Variants in AFF3 observed in about 807,000 individuals in gnomAD.
AFF3 encodes AF4/FMR2 family member 3.
Under a neutral mutation model 129.7 loss-of-function variants are expected in AFF3, and 32 were observed. The observed-to-expected ratio is 0.25, with a 90% CI of 0.19 to 0.33. The LOEUF is 0.33. AFF3 is among the 10% of genes least tolerant of loss of function. The probability of loss-of-function intolerance (pLI) is 1.00; values close to 1 mark genes in which losing one functional copy is unlikely to be tolerated. For missense variants in AFF3, 1,373 were observed against 1,592.0 expected (o/e 0.86, Z 2.34); for synonymous variants, 644 against 635.4 (o/e 1.01, Z -0.20).
intron 13 of AFF3, among the ~76,000 whole-genome samples, chr2:99,616,816 C>T (rs1185960990): frequency 6.6e-6 from 1 of 152,142 alleles, no homozygotes; most frequent in African/African-American, 2.4e-5. Context: ...ACTCCAAGCT[C>T]CCCTTGCCCC....
intron 7 of AFF3, among the ~76,000 whole-genome samples, chr2:99,941,746 G>C (rs1675057348): frequency 6.6e-6 from 1 of 152,092 alleles, no homozygotes; most frequent in Non-Finnish European, 1.5e-5. Flanking sequence ...AGACACGATG[G>C]CTGGAGCCAC....
At chr2:100,024,014 C>T (rs889885338) in intron 4 of AFF3, among the ~76,000 whole-genome samples, 3 of 150,328 alleles carry the variant, frequency 2.0e-5, no homozygotes, top group African/African-American at 4.9e-5. Flanking sequence ...GGGCGGATCA[C>T]GAGGTCAGGA....
chr2:99,975,308 A>G (rs1441157158), intron 7 of AFF3, among the ~76,000 whole-genome samples: 3 of 152,238 alleles, frequency 2.0e-5, no homozygotes, highest in African/African-American at 7.2e-5. Flanking sequence ...TTGAATTATC[A>G]TACAAAGCAG....
chr2:100,095,262 A>T (rs1690191996), intron 4 of AFF3, among the ~76,000 whole-genome samples: 1 of 152,140 alleles, frequency 6.6e-6, no homozygotes. Context: ...TGCTTATCTT[A>T]CTACGGGCCT....
At chr2:99,657,580 G>A (rs898573041) in intron 12 of AFF3, among the ~76,000 whole-genome samples, 6 of 152,142 alleles carry the variant, frequency 3.9e-5, no homozygotes, top group African/African-American at 1.4e-4. Flanking sequence ...TGTTTGCCAC[G>A]ATCTCCAATC....
At chr2:99,961,775 T>C (rs752823679) in intron 7 of AFF3, among the ~76,000 whole-genome samples, 1 of 152,122 alleles carries the variant, frequency 6.6e-6, no homozygotes, top group South Asian at 2.1e-4. Flanking sequence ...GGACCTGGCA[T>C]TTCCCAACCC....
intron 7 of AFF3, among the ~76,000 whole-genome samples, chr2:99,896,931 G>A (rs971861944): frequency 6.6e-5 from 10 of 151,924 alleles, no homozygotes; most frequent in Non-Finnish European, 8.8e-5. Context: ...CACCGCGCCC[G>A]GCCCTGTGCA....
chr2:100,043,478 A>C (rs1016852074), intron 4 of AFF3, among the ~76,000 whole-genome samples: 1 of 152,240 alleles, frequency 6.6e-6, no homozygotes, highest in Non-Finnish European at 1.5e-5. Context: ...GAGGCCATGC[A>C]AAATGAATTC....
In AFF3 at chr2:99,565,700, C is replaced by T. The variant is rs1269434712; in HGVS notation, c.2983-77G>A. The T allele has an allele frequency of 4.7e-6, 7 of 1,496,036 alleles. No individual in the cohort carries two copies. In the Admixed American group the frequency reaches 1.3e-4, roughly 29 times the overall value. 92.7% of individuals were successfully genotyped at this position (1,496,036 alleles called of 1,614,324 possible). On this transcript the variant is annotated intron_variant, in intron 19 of 24. Transcript: ENST00000672756. The stretch of plus-strand genomic sequence containing the variant: ...TGGCATTGTCATGTAGTTTATACAC[C>T]TTATTTGAGAAACCCAACTCTGACT...
intron 11 of AFF3, among the ~76,000 whole-genome samples, chr2:99,674,079 A>G (rs1687405299): frequency 6.6e-6 from 1 of 152,246 alleles, no homozygotes; most frequent in South Asian, 2.1e-4. Flanking sequence ...GGTACTATTT[A>G]AGGCATTGCC....
At chr2:99,585,260 A>G (rs1172363980) in intron 16 of AFF3, among the ~76,000 whole-genome samples, 2 of 152,226 alleles carry the variant, frequency 1.3e-5, no homozygotes, top group Non-Finnish European at 2.9e-5. Flanking sequence ...TATCATGGAT[A>G]TCATGATTGC....
At chr2:99,760,340 T>C (rs903122933) in intron 8 of AFF3, among the ~76,000 whole-genome samples, 1 of 152,220 alleles carries the variant, frequency 6.6e-6, no homozygotes, top group African/African-American at 2.4e-5. Flanking sequence ...CTAAGTATGA[T>C]CTGTACTTTT....
intron 13 of AFF3, among the ~76,000 whole-genome samples, chr2:99,644,226 G>A (rs1468262701): frequency 6.6e-6 from 1 of 152,206 alleles, no homozygotes. Context: ...AAATGTAGCC[G>A]TTGCTGGAGT....
At chr2:99,596,867 T>TA (rs1324302804) in intron 14 of AFF3, among the ~76,000 whole-genome samples, 1 of 152,184 alleles carries the variant, frequency 6.6e-6, no homozygotes, top group Non-Finnish European at 1.5e-5. Context: ...AAGTACCCAC[T>TA]TTCAACACAT....
chr2:99,884,549 A>T (rs538108259), intron 7 of AFF3, among the ~76,000 whole-genome samples: 1 of 149,470 alleles, frequency 6.7e-6, no homozygotes, highest in Admixed American at 6.7e-5. Context: ...CAGGCACATA[A>T]CACCACACCT....
chr2:99,855,720 A>G (rs1690475662), intron 7 of AFF3, among the ~76,000 whole-genome samples: 1 of 152,194 alleles, frequency 6.6e-6, no homozygotes, highest in Non-Finnish European at 1.5e-5. Flanking sequence ...AAGAAGGTGG[A>G]GCGTAACTCC....
At chr2:99,965,166 T>C (rs914605548) in intron 7 of AFF3, among the ~76,000 whole-genome samples, 1 of 152,184 alleles carries the variant, frequency 6.6e-6, no homozygotes, top group African/African-American at 2.4e-5. Context: ...AAAATCACTA[T>C]GATCACTATG....
At chr2:99,886,235 C>T (rs931589306) in intron 7 of AFF3, among the ~76,000 whole-genome samples, 42 of 152,182 alleles carry the variant, frequency 2.8e-4, no homozygotes, top group African/African-American at 1.0e-3. Flanking sequence ...CTTGACCATG[C>T]TAGCGAGGTC....
At chr2:99,791,270 C>G (rs1685168313) in intron 8 of AFF3, among the ~76,000 whole-genome samples, 1 of 152,104 alleles carries the variant, frequency 6.6e-6, no homozygotes, top group Non-Finnish European at 1.5e-5. Context: ...TTCTAGGACC[C>G]CTGTGGATAC....
Sources: gnomAD v4.1 joint callset for allele counts (sites outside exome capture counted in the v4.1 genomes callset) on GRCh38, gnomAD v4.1.1 for gene constraint, MANE v1.5 for transcripts, NCBI Gene and HGNC (gene_info 2026-07-23, HGNC 2026-07-21) for gene names.